The following NFIA variants were observed in gnomAD, a reference collection of about 807,000 sequenced individuals.
NFIA encodes nuclear factor I A.
NFIA carries 8 observed loss-of-function variants against 62.8 expected under a neutral mutation model. The ratio of observed to expected loss-of-function variants is 0.13; its 90% CI spans 0.07 to 0.23. The LOEUF is 0.23. NFIA is among the 10% of genes least tolerant of loss of function. NFIA has a pLI of 1.00. For synonymous variants in NFIA, 235 were observed against 238.1 expected, an observed-to-expected ratio of 0.99 and a Z score of 0.12; for missense variants, 410 against 642.1, an observed-to-expected ratio of 0.64 and a Z score of 3.91.
chr1:61,195,294 G>T (rs76104039), intron 2 of NFIA, among the ~76,000 whole-genome samples: 1,785 of 152,218 alleles, frequency 0.012, 27 homozygotes, highest in East Asian at 0.095. Context: ...CATCATGAAT[G>T]TGTTCCCCTA....
At chr1:61,317,888 T>A (rs560953096) in intron 3 of NFIA, among the ~76,000 whole-genome samples, 1 of 152,308 alleles carries the variant, frequency 6.6e-6, no homozygotes, top group African/African-American at 2.4e-5. Context: ...ATTTCATTAT[T>A]CCTAATGACA....
chr1:61,304,810 T>G (rs1659681015), intron 3 of NFIA, among the ~76,000 whole-genome samples: 1 of 152,212 alleles, frequency 6.6e-6, no homozygotes, highest in Non-Finnish European at 1.5e-5. Flanking sequence ...CACCACCTTT[T>G]CCTCCTTCCT....
intron 7 of NFIA, among the ~76,000 whole-genome samples, chr1:61,386,566 C>T (rs906890957): frequency 7.2e-5 from 11 of 152,160 alleles, no homozygotes; most frequent in Non-Finnish European, 1.6e-4. Flanking sequence ...GTCCAACACA[C>T]ATCCACGCTC....
intron 2 of NFIA, among the ~76,000 whole-genome samples, chr1:61,107,502 A>AT (rs1646625143): frequency 2.0e-5 from 3 of 151,290 alleles, no homozygotes; most frequent in African/African-American, 7.2e-5. Context: ...TCATTTATTC[A>AT]TTTTTTTCTA....
At chr1:61,157,598 A>G (rs1240432927) in intron 2 of NFIA, among the ~76,000 whole-genome samples, 20 of 152,216 alleles carry the variant, frequency 1.3e-4, no homozygotes. Context: ...GGTTTAAATT[A>G]AACCTTTTTT....
At chr1:61,304,001 G>A (rs572725302) in intron 3 of NFIA, among the ~76,000 whole-genome samples, 259 of 151,414 alleles carry the variant, frequency 1.7e-3, no homozygotes, top group Non-Finnish European at 2.8e-3. Context: ...TTGGCCGGGC[G>A]CGGTGGCTCA....
chr1:61,371,505 G>T (rs180938327), intron 6 of NFIA, among the ~76,000 whole-genome samples: 2 of 152,128 alleles, frequency 1.3e-5, no homozygotes, highest in South Asian at 4.1e-4. Flanking sequence ...TATTATATTG[G>T]ATCACATAAA....
At chr1:61,410,735 C>A (rs1569805805) in intron 9 of NFIA, among the ~76,000 whole-genome samples, 1 of 152,000 alleles carries the variant, frequency 6.6e-6, no homozygotes, top group South Asian at 2.1e-4. Flanking sequence ...GGTGAAACCC[C>A]ATCTCTACAA....
chr1:61,433,219 G>A (rs1667182381), intron 10 of NFIA, among the ~76,000 whole-genome samples: 1 of 152,128 alleles, frequency 6.6e-6, no homozygotes, highest in Non-Finnish European at 1.5e-5. Flanking sequence ...ATCTGCCCCG[G>A]TCTCCTGTTA....
At chr1:61,401,271 T>C (rs1665543919) in intron 7 of NFIA, among the ~76,000 whole-genome samples, 3 of 152,368 alleles carry the variant, frequency 2.0e-5, no homozygotes, top group South Asian at 4.1e-4. Context: ...TTGATTCTTA[T>C]AAATCAGTCA....
intron 2 of NFIA, among the ~76,000 whole-genome samples, chr1:61,225,959 A>G (rs1377894864): frequency 1.3e-5 from 2 of 152,220 alleles, no homozygotes; most frequent in Non-Finnish European, 2.9e-5. Flanking sequence ...TTTAAAAATT[A>G]TCATAAGTAA....
At chr1:61,244,392 T>C (rs961051142) in intron 2 of NFIA, among the ~76,000 whole-genome samples, 16 of 152,206 alleles carry the variant, frequency 1.1e-4, no homozygotes, top group Non-Finnish European at 1.6e-4. Flanking sequence ...ACACTGTCTG[T>C]TTTCATTCTT....
At chr1:61,415,825 A>T (rs986101682) in intron 9 of NFIA, among the ~76,000 whole-genome samples, 1 of 152,160 alleles carries the variant, frequency 6.6e-6, no homozygotes, top group Non-Finnish European at 1.5e-5. Flanking sequence ...ACATATATAA[A>T]TTTTACATGT....
intron 2 of NFIA, among the ~76,000 whole-genome samples, chr1:61,142,811 G>C (rs1334670428): frequency 6.6e-6 from 1 of 152,120 alleles, no homozygotes; most frequent in Non-Finnish European, 1.5e-5. Context: ...CAGGCTCTTA[G>C]GGCACATGGA....
chr1:61,341,826 A>G (rs904364632), intron 4 of NFIA, among the ~76,000 whole-genome samples: 2 of 152,206 alleles, frequency 1.3e-5, no homozygotes, highest in African/African-American at 4.8e-5. Flanking sequence ...ATAAGCCTCA[A>G]CTTTTTAATG....
chr1:61,199,447 C>T (rs1200708502), intron 2 of NFIA, among the ~76,000 whole-genome samples: 4 of 152,196 alleles, frequency 2.6e-5, no homozygotes, highest in Admixed American at 2.6e-4. Context: ...ACTGCTAACA[C>T]TCTCATTTTA....
At chr1:61,315,983 C>T (rs1176463042) in intron 3 of NFIA, among the ~76,000 whole-genome samples, 1 of 152,182 alleles carries the variant, frequency 6.6e-6, no homozygotes, top group Non-Finnish European at 1.5e-5. Flanking sequence ...AGTGAACACA[C>T]CTTCTCAGCA....
At chr1:61,301,182 A>C (rs1557692652) in intron 3 of NFIA, among the ~76,000 whole-genome samples, 1 of 151,904 alleles carries the variant, frequency 6.6e-6, no homozygotes, top group African/African-American at 2.4e-5. Context: ...GCTAACAGTC[A>C]GTGCTATTCA....
rs1352843384 is a variant in NFIA, at chr1:61,441,325, G to GTGTGTT, written c.1513-13973_1513-13972insTTGTGT. Among the ~76,000 whole-genome samples, 7 of 150,332 alleles carry GTGTGTT rather than the reference G, an allele frequency of 4.7e-5. No individual in the cohort carries two copies. In the South Asian group the frequency reaches 1.3e-3, roughly 27 times the overall value. ...TGTGTGTGTGTGTGTGTGTGTGTGT[G>GTGTGTT]TGTGTGTGTCTGTCTGTCTGTCTGT... is the stretch of plus-strand genomic sequence containing the variant. On this transcript the variant is annotated intron_variant, in intron 10 of 10. Transcript: ENST00000403491.
Sources: allele counts gnomAD v4.1 joint callset (sites outside exome capture counted in the v4.1 genomes callset), GRCh38; gene constraint gnomAD v4.1.1; transcripts MANE v1.5; gene names NCBI Gene and HGNC (gene_info 2026-07-23, HGNC 2026-07-21).